Variants in ECM2 observed in about 807,000 individuals in gnomAD.
ECM2 encodes the protein extracellular matrix protein 2.
In ECM2, 57 loss-of-function variants were observed where a neutral mutation model predicts 67.5. The observed-to-expected ratio is 0.84, with a 90% CI of 0.68 to 1.05. The LOEUF (loss-of-function observed/expected upper bound fraction) is 1.05, where lower values mean the gene tolerates loss of function less well. Ranked by LOEUF, ECM2 falls within the 50% of genes least tolerant of loss-of-function variation. The pLI is 0.00. For missense variants in ECM2, 741 were observed against 822.8 expected, an observed-to-expected ratio of 0.90 and a Z score of 1.22; for synonymous variants, 258 against 294.5, an observed-to-expected ratio of 0.88 and a Z score of 1.27.
the ECM2 span, among the ~76,000 whole-genome samples, chr9:92,545,443 G>T: frequency 1.3e-5 from 2 of 152,200 alleles, no homozygotes; most frequent in Non-Finnish European, 2.9e-5. Flanking sequence ...CCGGCCCACC[G>T]GCGCTGTGCT....
At chr9:92,511,724 A>G (rs1847356493) in intron 5 of ECM2, among the ~76,000 whole-genome samples, 1 of 152,220 alleles carries the variant, frequency 6.6e-6, no homozygotes, top group Non-Finnish European at 1.5e-5. Flanking sequence ...ACCAGATTTT[A>G]GCATGTTTTC....
chr9:92,555,683 G>A, the ECM2 span, among the ~76,000 whole-genome samples: 1 of 152,150 alleles, frequency 6.6e-6, no homozygotes, highest in East Asian at 1.9e-4. Context: ...GTGTATAGGT[G>A]TTCATAGTAG....
At chr9:92,547,164 T>A in the ECM2 span, among the ~76,000 whole-genome samples, 3 of 152,242 alleles carry the variant, frequency 2.0e-5, no homozygotes, top group African/African-American at 4.8e-5. Context: ...GCAAAAAAAA[T>A]TTTTGATAAA....
At chr9:92,517,662 A>G in intron 3 of ECM2, 25 bp downstream of exon 3, 4 of 1,613,588 alleles carry the variant, frequency 2.5e-6, no homozygotes, top group Non-Finnish European at 3.4e-6. Flanking sequence ...ACACACTGAT[A>G]TTTTGCTTAG....
chr9:92,503,883 T>C (rs1846835281), intron 7 of ECM2, among the ~76,000 whole-genome samples: 1 of 152,224 alleles, frequency 6.6e-6, no homozygotes, highest in African/African-American at 2.4e-5. Flanking sequence ...TAGGAAAGAA[T>C]GACATGAGAC....
chr9:92,504,809 G>C (rs1049963479), intron 7 of ECM2, among the ~76,000 whole-genome samples: 2 of 152,192 alleles, frequency 1.3e-5, no homozygotes, highest in African/African-American at 2.4e-5. Flanking sequence ...AGAGTGCTGG[G>C]ATTACTGGCG....
chr9:92,533,519 G>A (rs1848989332), intron 1 of ECM2, among the ~76,000 whole-genome samples: 1 of 150,894 alleles, frequency 6.6e-6, no homozygotes, highest in South Asian at 2.1e-4. Context: ...AAGAAAAACT[G>A]TTCTAAACCT....
At chr9:92,531,333 G>A (rs183135998) in intron 1 of ECM2, among the ~76,000 whole-genome samples, 3 of 152,060 alleles carry the variant, frequency 2.0e-5, no homozygotes, top group Non-Finnish European at 1.5e-5. Context: ...ATATAAATTA[G>A]TACCTTTACC....
At chr9:92,498,563 A>T (rs764278509) in intron 9 of ECM2, among the ~76,000 whole-genome samples, 30 of 152,148 alleles carry the variant, frequency 2.0e-4, no homozygotes, top group Non-Finnish European at 2.8e-4. Flanking sequence ...CAAAAATAAT[A>T]TTAATTCAAA....
rs529943662 is a variant in ECM2 at position 92,500,660 on chromosome 9, A to G, written c.1931+67T>C. The G allele has an allele frequency of 1.5e-5, 22 of 1,459,732 alleles. No individual in the cohort carries two copies. The South Asian group carries it at 2.9e-4, about 19-fold the overall frequency. The allele number at this position is 1,459,732 out of a possible 1,614,324, so 90.4% of individuals were successfully genotyped here. On this transcript the variant is annotated intron_variant, in intron 9 of 9. Coordinates refer to ENST00000344604, the MANE Select transcript of ECM2 (RefSeq NM_001393.4). ...TAACGTAAATCCCAGAGATCATGTC[A>G]TGGTTGTTTTATCATATATTTTGCC...
intron 4 of ECM2, 51 bp from the exon 5 acceptor site, chr9:92,512,177 TACAC>T: frequency 1.1e-4 from 134 of 1,247,728 alleles, no homozygotes; most frequent in Non-Finnish European, 1.5e-4. Flanking sequence ...TACATACATG[TACAC>T]ACATGTATGG....
At chr9:92,524,758 T>C (rs190290462) in intron 1 of ECM2, among the ~76,000 whole-genome samples, 2 of 152,306 alleles carry the variant, frequency 1.3e-5, no homozygotes, top group East Asian at 3.9e-4. Context: ...ATCTTTTTAA[T>C]GGGAATTTAA....
the ECM2 span, among the ~76,000 whole-genome samples, chr9:92,547,061 A>G: frequency 1.3e-5 from 2 of 152,328 alleles, no homozygotes; most frequent in Middle Eastern, 3.4e-3. Context: ...ATCCAACAAT[A>G]TATAAATAAT....
At position 92,534,491 on chromosome 9, in the gene ECM2, G is replaced by T. The variant is rs148808058; in HGVS notation, c.-28+1442C>A. On this transcript the variant is annotated intron_variant, in intron 1 of 9. Coordinates refer to ENST00000344604, the MANE Select transcript of ECM2 (RefSeq NM_001393.4). ...TCTTCAGCGTATATATACATTAATTGCCACAGTCATTTGAAAACCATTACT... is the reference window on the plus strand; with the variant it reads ...TCTTCAGCGTATATATACATTAATTTCCACAGTCATTTGAAAACCATTACT... Among the ~76,000 whole-genome samples the T allele has an allele frequency of 3.1e-3, 465 of 152,210 alleles. 4 individuals carry two copies. The highest frequency in any genetic ancestry group is 0.01 in the African/African-American group (432 of 41,524).
At chr9:92,531,964 T>A (rs1563990054) in intron 1 of ECM2, among the ~76,000 whole-genome samples, 1 of 151,418 alleles carries the variant, frequency 6.6e-6, no homozygotes, top group Non-Finnish European at 1.5e-5. Flanking sequence ...CTTCCAGTAT[T>A]TTATTGTTGC....
chr9:92,496,518 C>A, intron 9 of ECM2, 35 bp from the exon 10 acceptor site: 1 of 1,589,692 alleles, frequency 6.3e-7, no homozygotes, highest in Non-Finnish European at 8.5e-7. Context: ...CACACATGGT[C>A]CCAGTAATAA....
At chr9:92,552,636 G>A in the ECM2 span, among the ~76,000 whole-genome samples, 4 of 152,048 alleles carry the variant, frequency 2.6e-5, no homozygotes, top group South Asian at 2.1e-4. Context: ...GGCCATTTGT[G>A]TATCTTCTTT....
intron 1 of ECM2, among the ~76,000 whole-genome samples, chr9:92,526,719 A>C (rs1848435688): frequency 6.6e-6 from 1 of 152,030 alleles, no homozygotes; most frequent in Non-Finnish European, 1.5e-5. Context: ...TTTTTAAAAA[A>C]TAAAAAGTAT....
intron 1 of ECM2, among the ~76,000 whole-genome samples, chr9:92,524,830 A>C (rs559796906): frequency 6.6e-6 from 1 of 152,244 alleles, no homozygotes; most frequent in Non-Finnish European, 1.5e-5. Context: ...ATTTATTTCA[A>C]TTCTCACAGG....
Sources: allele counts gnomAD v4.1 joint callset (sites outside exome capture counted in the v4.1 genomes callset), GRCh38; gene constraint gnomAD v4.1.1; transcripts MANE v1.5; gene names NCBI Gene and HGNC (gene_info 2026-07-23, HGNC 2026-07-21).